The following WWOX variants were observed in gnomAD, a reference collection of about 807,000 sequenced individuals.
WWOX encodes the protein WW domain containing oxidoreductase.
Under a neutral mutation model 46.2 loss-of-function variants are expected in WWOX, and 69 were observed. The ratio of observed to expected loss-of-function variants is 1.49; its 90% CI spans 1.23 to 1.82. The LOEUF (loss-of-function observed/expected upper bound fraction) is 1.82. Among genes scored for constraint, WWOX ranks in the 40% most tolerant of loss-of-function variants. The pLI, the probability that WWOX is intolerant of heterozygous loss-of-function variation, is 0.00. For missense variants in WWOX, 919 were observed against 542.6 expected (o/e 1.69, Z -6.89); for synonymous variants, 359 against 202.6 (o/e 1.77, Z -6.56).
chr16:78,423,512 A>G (rs564321752), intron 6 of WWOX, among the ~76,000 whole-genome samples: 12 of 152,248 alleles, frequency 7.9e-5, no homozygotes, highest in African/African-American at 1.9e-4. Flanking sequence ...CAAGTATACA[A>G]TTACTTTCTG....
intron 5 of WWOX, among the ~76,000 whole-genome samples, chr16:78,365,609 A>T (rs145842473): frequency 1.2e-3 from 183 of 152,320 alleles, no homozygotes; most frequent in African/African-American, 4.0e-3. Flanking sequence ...TTCTTTCCAC[A>T]TTATGAAGTG....
chr16:78,869,615 A>G (rs2044082740), intron 8 of WWOX, among the ~76,000 whole-genome samples: 1 of 152,312 alleles, frequency 6.6e-6, no homozygotes, highest in Admixed American at 6.5e-5. Context: ...CTCGTTGGGA[A>G]AGGGTGTCAT....
chr16:78,943,637 C>T (rs6564625), intron 8 of WWOX, among the ~76,000 whole-genome samples: 10 of 151,990 alleles, frequency 6.6e-5, no homozygotes, highest in Admixed American at 5.9e-4. Context: ...CGTCAATGGC[C>T]TGGACGCAGC....
At chr16:78,843,109 C>A (rs570058713) in intron 8 of WWOX, among the ~76,000 whole-genome samples, 1 of 149,374 alleles carries the variant, frequency 6.7e-6, no homozygotes, top group South Asian at 2.2e-4. Flanking sequence ...TTTTTTGGCA[C>A]CATAGAAATG....
intron 8 of WWOX, among the ~76,000 whole-genome samples, chr16:79,121,704 C>A (rs1441013646): frequency 1.3e-5 from 2 of 152,124 alleles, no homozygotes; most frequent in Admixed American, 6.5e-5. Flanking sequence ...AGAAAAGAAT[C>A]CGAACTGGTG....
At chr16:79,208,759 A>C (rs2051609391) in intron 8 of WWOX, among the ~76,000 whole-genome samples, 1 of 152,200 alleles carries the variant, frequency 6.6e-6, no homozygotes, top group Admixed American at 6.5e-5. Flanking sequence ...CTGGTGAGCC[A>C]AAAATGAGAA....
intron 8 of WWOX, among the ~76,000 whole-genome samples, chr16:78,634,936 G>A (rs769038356): frequency 2.6e-5 from 4 of 151,820 alleles, no homozygotes; most frequent in Non-Finnish European, 5.9e-5. Flanking sequence ...CTTTGTGAAC[G>A]AGGAGGAGGG....
At position 78,144,450 on chromosome 16, in the gene WWOX, C is replaced by CACACATAT. The variant is rs1171090089; in HGVS notation, c.410-19732_410-19731insCACATATA. ...ATTACTATATATATATATATATACA[C>CACACATAT]ATATATATATATACACACATATATA... On this transcript the variant is annotated intron_variant, in intron 4 of 8. Coordinates refer to ENST00000566780, the MANE Select transcript of WWOX (RefSeq NM_016373.4). Among the ~76,000 whole-genome samples, 13 of 24,934 alleles carry CACACATAT rather than the reference C, an allele frequency of 5.2e-4. 1 individual carries two copies. The highest frequency in any genetic ancestry group is 2.0e-3 in the East Asian group (1 of 500). 16.4% of individuals were successfully genotyped at this position (24,934 alleles called of 152,430 possible).
At chr16:79,103,653 A>G (rs912989496) in intron 8 of WWOX, among the ~76,000 whole-genome samples, 1 of 152,234 alleles carries the variant, frequency 6.6e-6, no homozygotes, top group Non-Finnish European at 1.5e-5. Context: ...AGTAACATTT[A>G]AAATGACCTA....
At chr16:79,078,012 A>T (rs1020388045) in intron 8 of WWOX, 1 of 151,962 alleles carries the variant, frequency 6.6e-6, no homozygotes, top group Non-Finnish European at 1.5e-5. Flanking sequence ...TGCCATTTTT[A>T]TCAAGGTTAG....
intron 5 of WWOX, among the ~76,000 whole-genome samples, chr16:78,361,530 A>G (rs1383041834): frequency 2.6e-5 from 4 of 151,782 alleles, no homozygotes; most frequent in South Asian, 2.1e-4. Flanking sequence ...AGTGGTGACT[A>G]TGTATTTCCC....
At chr16:78,984,120 T>C (rs185926504) in intron 8 of WWOX, among the ~76,000 whole-genome samples, 2,137 of 152,228 alleles carry the variant, frequency 0.014, 20 homozygotes, top group Non-Finnish European at 0.022. Flanking sequence ...CCTCGTGATC[T>C]GCCCGCCTTG....
chr16:78,170,577 T>C (rs1212670904), intron 5 of WWOX, among the ~76,000 whole-genome samples: 4 of 152,240 alleles, frequency 2.6e-5, no homozygotes, highest in Non-Finnish European at 4.4e-5. Flanking sequence ...ATGAATTCTT[T>C]TTCTGTCTTC....
chr16:79,134,604 C>A (rs578261956), intron 8 of WWOX, among the ~76,000 whole-genome samples: 1 of 152,160 alleles, frequency 6.6e-6, no homozygotes, highest in South Asian at 2.1e-4. Context: ...AATGCAGACA[C>A]ATACAGACAC....
intron 8 of WWOX, among the ~76,000 whole-genome samples, chr16:78,492,259 G>C (rs1426220944): frequency 6.6e-6 from 1 of 152,218 alleles, no homozygotes; most frequent in African/African-American, 2.4e-5. Context: ...GGTTGGACGA[G>C]ACACTCATTC....
intron 8 of WWOX, among the ~76,000 whole-genome samples, chr16:78,589,718 G>C (rs146160505): frequency 2.0e-4 from 30 of 152,300 alleles, no homozygotes; most frequent in African/African-American, 6.7e-4. Flanking sequence ...TAAAACTGTA[G>C]CTTACAGTGT....
At chr16:78,474,793 T>G (rs904015745) in intron 8 of WWOX, among the ~76,000 whole-genome samples, 1 of 152,176 alleles carries the variant, frequency 6.6e-6, no homozygotes, top group Non-Finnish European at 1.5e-5. Context: ...TCCATGCGTT[T>G]GTATATTCTG....
At chr16:79,093,981 CA>C (rs932544130) in intron 8 of WWOX, among the ~76,000 whole-genome samples, 6 of 152,182 alleles carry the variant, frequency 3.9e-5, no homozygotes, top group African/African-American at 1.4e-4. Context: ...ACCACTTCCA[CA>C]AATGCTAGGG....
At chr16:78,280,588 C>CT (rs1320403635) in intron 5 of WWOX, among the ~76,000 whole-genome samples, 1 of 147,348 alleles carries the variant, frequency 6.8e-6, no homozygotes, top group East Asian at 2.0e-4. Flanking sequence ...CCTCAGGAAA[C>CT]TTACAATCAT....
Sources: allele counts gnomAD v4.1 joint callset (sites outside exome capture counted in the v4.1 genomes callset), GRCh38; gene constraint gnomAD v4.1.1; transcripts MANE v1.5; gene names NCBI Gene and HGNC (gene_info 2026-07-23, HGNC 2026-07-21).